TCERG1L: variants seen among roughly 807,000 people sequenced by gnomAD.
The protein encoded by TCERG1L is transcription elongation regulator 1-like protein.
In TCERG1L, 37 loss-of-function variants were observed where a neutral mutation model predicts 56.3. The observed-to-expected ratio is 0.66, with a 90% CI of 0.51 to 0.87. The LOEUF (loss-of-function observed/expected upper bound fraction) is 0.87, where lower values mean the gene tolerates loss of function less well. TCERG1L is among the 40% of genes least tolerant of loss of function. TCERG1L has a pLI of 0.00. For missense variants in TCERG1L, 799 were observed against 774.2 expected, an observed-to-expected ratio of 1.03 and a Z score of -0.38; for synonymous variants, 324 against 326.3, an observed-to-expected ratio of 0.99 and a Z score of 0.08.
intron 3 of TCERG1L, among the ~76,000 whole-genome samples, chr10:131,276,491 G>A (rs913832368): frequency 1.3e-5 from 2 of 152,144 alleles, no homozygotes; most frequent in African/African-American, 2.4e-5. Context: ...CAACACACAC[G>A]CAATTTACAC....
At chr10:131,098,068 T>C (rs553073129) in intron 11 of TCERG1L, among the ~76,000 whole-genome samples, 56 of 152,294 alleles carry the variant, frequency 3.7e-4, no homozygotes, top group African/African-American at 1.3e-3. Context: ...TTGTGATGCA[T>C]TTGGTTAGCA....
At position 131,127,076 on chromosome 10, in the gene TCERG1L, G is replaced by T. The variant is rs574997899; in HGVS notation, c.1259+7303C>A. On this transcript the variant is annotated intron_variant, in intron 8 of 11. Coordinates refer to ENST00000368642, the MANE Select transcript of TCERG1L (RefSeq NM_174937.4). ...TTGAAGGAGACACAGCCCAGTCACA[G>T]GCATCTCAGGACACAGGATTCTAAG... is the stretch of plus-strand genomic sequence containing the variant. Among the ~76,000 whole-genome samples the T allele has an allele frequency of 7.6e-4, 115 of 152,264 alleles. 1 individual carries two copies. Among genetic ancestry groups the T allele is most frequent in the African/African-American group, 2.7e-3 (113 of 41,552 alleles).
intron 3 of TCERG1L, among the ~76,000 whole-genome samples, chr10:131,294,220 A>G (rs2944515): frequency 0.19 from 29,633 of 152,094 alleles, 3,848 homozygotes; most frequent in Non-Finnish European, 0.29. Flanking sequence ...GGAATGCAAC[A>G]GCAGTCACCT....
chr10:131,278,326 CTTTTCTT>C (rs1316360039), intron 3 of TCERG1L, among the ~76,000 whole-genome samples: 2 of 150,368 alleles, frequency 1.3e-5, no homozygotes, highest in Non-Finnish European at 3.0e-5. Flanking sequence ...GCTACATCGT[CTTTTCTT>C]TTTTCTTTTT....
Position 131,267,543 on chromosome 10 carries a change from T to C in TCERG1L, c.671-7099A>G, listed in dbSNP as rs1041488664. ...ACCTGGCTGTGCCCTTCTCTGCGTC[T>C]CCCTCTGCCGCAGTGGTGGCCCTTG... is the stretch of plus-strand genomic sequence containing the variant. On this transcript the variant is annotated intron_variant, in intron 3 of 11. Transcript: ENST00000368642. This position sits in a 1 kb window ranked among gnomAD's most constrained non-coding sequence, Gnocchi z 4.9. 2.0e-5 allele frequency among the ~76,000 whole-genome samples: 3 copies of C among 152,166 alleles called. No homozygotes were observed. Among genetic ancestry groups the C allele is most frequent in the Non-Finnish European group, 4.4e-5 (3 of 68,024 alleles).
At chr10:131,287,706 A>G (rs535730261) in intron 3 of TCERG1L, among the ~76,000 whole-genome samples, 1 of 152,322 alleles carries the variant, frequency 6.6e-6, no homozygotes, top group Admixed American at 6.5e-5. Flanking sequence ...GGAACGGTCT[A>G]AATAGGCCGG....
rs1316958632 is a variant in TCERG1L at position 131,211,592 on chromosome 10, A to G, written c.857-44707T>C. Among the ~76,000 whole-genome samples the G allele has an allele frequency of 2.6e-5, 4 of 152,250 alleles. No homozygotes were observed. The East Asian group carries it at 7.7e-4, about 29-fold the overall frequency. ...CAGCCAGAGAGCCAGTTTCAGCCAA[A>G]GGAGGAAACTTGCCAGAAATGTCAT... On this transcript the variant is annotated intron_variant, in intron 4 of 11. Coordinates refer to ENST00000368642, the MANE Select transcript of TCERG1L (RefSeq NM_174937.4).
intron 4 of TCERG1L, among the ~76,000 whole-genome samples, chr10:131,232,320 G>T (rs1203700288): frequency 6.6e-6 from 1 of 152,234 alleles, no homozygotes. Flanking sequence ...GAGGAGCCCA[G>T]CAGGATGAGC....
chr10:131,239,627 G>A (rs79388881), intron 4 of TCERG1L, among the ~76,000 whole-genome samples: 3,183 of 152,350 alleles, frequency 0.021, 54 homozygotes, highest in Middle Eastern at 0.037. Context: ...GTGAGGAGGG[G>A]CCCACAGGGC....
chr10:131,296,770 T>C (rs531073342), intron 3 of TCERG1L, among the ~76,000 whole-genome samples: 4 of 152,366 alleles, frequency 2.6e-5, no homozygotes, highest in Admixed American at 6.5e-5. Flanking sequence ...AATGTCTTAT[T>C]TGATTTCTTT....
chr10:131,205,978 C>T (rs1463267959), intron 4 of TCERG1L, among the ~76,000 whole-genome samples: 4 of 152,222 alleles, frequency 2.6e-5, no homozygotes, highest in African/African-American at 4.8e-5. Flanking sequence ...CAGGGGTCCA[C>T]GGGCAGATGG....
At chr10:131,281,407 A>T (rs74767920) in intron 3 of TCERG1L, among the ~76,000 whole-genome samples, 5,324 of 136,430 alleles carry the variant, frequency 0.039, 140 homozygotes, top group East Asian at 0.084. Flanking sequence ...TCTCCAAATT[A>T]AAAAAAAAAA....
intron 4 of TCERG1L, among the ~76,000 whole-genome samples, chr10:131,251,367 T>C (rs935743894): frequency 6.8e-6 from 1 of 148,072 alleles, no homozygotes; most frequent in Non-Finnish European, 1.5e-5. Context: ...GCTTCCTTCA[T>C]TGCGAATCCT....
intron 11 of TCERG1L, chr10:131,095,278 C>T (rs972272547): frequency 6.4e-6 from 1 of 155,656 alleles, no homozygotes; most frequent in Non-Finnish European, 1.4e-5. Flanking sequence ...GCCAACCCCA[C>T]CTGGCTAGGA....
At chr10:131,253,461 T>C (rs1182795302) in intron 4 of TCERG1L, among the ~76,000 whole-genome samples, 6 of 152,100 alleles carry the variant, frequency 3.9e-5, no homozygotes, top group African/African-American at 1.4e-4. Context: ...TCTGGGAAAT[T>C]CGAATCCCCA....
At chr10:131,257,896 T>G (rs12571853) in intron 4 of TCERG1L, among the ~76,000 whole-genome samples, 37,659 of 152,256 alleles carry the variant, frequency 0.25, 6,085 homozygotes, top group Non-Finnish European at 0.36. Context: ...CTCATTTATA[T>G]AAAGTGGGAC....
At chr10:131,220,279 T>G (rs1266346291) in intron 4 of TCERG1L, among the ~76,000 whole-genome samples, 1 of 152,134 alleles carries the variant, frequency 6.6e-6, no homozygotes, top group Non-Finnish European at 1.5e-5. Context: ...TCAGGAGGGC[T>G]TGGTTGGTCT....
intron 4 of TCERG1L, among the ~76,000 whole-genome samples, chr10:131,168,993 C>T (rs979396145): frequency 6.6e-6 from 1 of 152,160 alleles, no homozygotes; most frequent in African/African-American, 2.4e-5. Flanking sequence ...GGTAACCAAG[C>T]CTGAGTCAAG....
intron 7 of TCERG1L, among the ~76,000 whole-genome samples, chr10:131,141,495 C>T (rs977912293): frequency 6.6e-6 from 1 of 152,210 alleles, no homozygotes; most frequent in Admixed American, 6.5e-5. Flanking sequence ...CCCTGCCCAA[C>T]ATCTGCTCAT....
Sources: allele counts gnomAD v4.1 joint callset (sites outside exome capture counted in the v4.1 genomes callset), GRCh38; gene constraint gnomAD v4.1.1; non-coding constraint Gnocchi (gnomAD v3.1); transcripts MANE v1.5; gene names NCBI Gene and HGNC (gene_info 2026-07-23, HGNC 2026-07-21).